Variants in ZCCHC7 observed in about 807,000 individuals in gnomAD.
The protein encoded by ZCCHC7 is zinc finger CCHC-type containing 7.
A neutral mutation model predicts 52.0 loss-of-function variants in ZCCHC7; 35 were observed. The observed-to-expected ratio is 0.67, with a 90% CI of 0.51 to 0.89. The LOEUF (loss-of-function observed/expected upper bound fraction) is 0.89, where lower values mean the gene tolerates loss of function less well. Ranked by LOEUF, ZCCHC7 falls within the 40% of genes least tolerant of loss-of-function variation. ZCCHC7 has a pLI of 0.00. For missense variants in ZCCHC7, 574 were observed against 649.1 expected (o/e 0.88, Z 1.26); for synonymous variants, 217 against 221.5 (o/e 0.98, Z 0.18).
chr9:37,258,529 G>A (rs556870914), intron 2 of ZCCHC7, among the ~76,000 whole-genome samples: 2 of 152,156 alleles, frequency 1.3e-5, no homozygotes, highest in African/African-American at 4.8e-5. Flanking sequence ...GGCTGAGGCG[G>A]GCAGATTACT....
intron 6 of ZCCHC7, among the ~76,000 whole-genome samples, chr9:37,340,932 C>T (rs1820596912): frequency 6.6e-6 from 1 of 152,098 alleles, no homozygotes; most frequent in Non-Finnish European, 1.5e-5. Context: ...AATTTCATAG[C>T]ACAATATACT....
At chr9:37,240,387 T>A (rs767012527) in intron 2 of ZCCHC7, among the ~76,000 whole-genome samples, 6 of 151,878 alleles carry the variant, frequency 4.0e-5, no homozygotes, top group Non-Finnish European at 5.9e-5. Context: ...TGTATAGAGG[T>A]TAATAAAAGA....
chr9:37,156,408 G>C (rs1427783778), intron 2 of ZCCHC7, among the ~76,000 whole-genome samples: 1 of 152,102 alleles, frequency 6.6e-6, no homozygotes, highest in Non-Finnish European at 1.5e-5. Flanking sequence ...GTTCCCAAAG[G>C]GAGAGATCAT....
At chr9:37,272,491 TAAAAAAAA>T (rs551495038) in intron 2 of ZCCHC7, among the ~76,000 whole-genome samples, 2 of 97,828 alleles carry the variant, frequency 2.0e-5, no homozygotes, top group Non-Finnish European at 4.2e-5. Context: ...AGCTGTGTGG[TAAAAAAAA>T]AAAAAAAAAA....
chr9:37,252,164 A>G (rs1271836793), intron 2 of ZCCHC7, among the ~76,000 whole-genome samples: 1 of 152,164 alleles, frequency 6.6e-6, no homozygotes, highest in Admixed American at 6.5e-5. Flanking sequence ...AAACAGCTCT[A>G]AGTTGATTTT....
chr9:37,235,901 T>A (rs1825629028), intron 2 of ZCCHC7, among the ~76,000 whole-genome samples: 1 of 152,048 alleles, frequency 6.6e-6, no homozygotes, highest in African/African-American at 2.4e-5. Flanking sequence ...ATTCTTTTTT[T>A]AATGGCTGAA....
At chr9:37,355,969 G>C (rs1253140890) in intron 8 of ZCCHC7, among the ~76,000 whole-genome samples, 1 of 151,292 alleles carries the variant, frequency 6.6e-6, no homozygotes, top group Non-Finnish European at 1.5e-5. Context: ...GTACTTTTCT[G>C]TTTTTTCCAG....
intron 2 of ZCCHC7, among the ~76,000 whole-genome samples, chr9:37,155,402 G>C (rs150820660): frequency 3.3e-5 from 5 of 151,564 alleles, no homozygotes; most frequent in Non-Finnish European, 7.4e-5. Context: ...AATTCACTTA[G>C]TAATAACCAA....
intron 6 of ZCCHC7, among the ~76,000 whole-genome samples, chr9:37,336,070 G>T (rs527462270): frequency 7.9e-5 from 12 of 152,170 alleles, no homozygotes; most frequent in African/African-American, 2.9e-4. Flanking sequence ...AGGGGTAGAG[G>T]GCTTATGTTA....
At chr9:37,206,857 C>T (rs985889021) in intron 2 of ZCCHC7, among the ~76,000 whole-genome samples, 1 of 151,990 alleles carries the variant, frequency 6.6e-6, no homozygotes, top group African/African-American at 2.4e-5. Context: ...GATCACTATT[C>T]TGCCATGTCT....
intron 2 of ZCCHC7, among the ~76,000 whole-genome samples, chr9:37,290,454 A>C (rs1354318468): frequency 6.6e-6 from 1 of 152,134 alleles, no homozygotes; most frequent in Non-Finnish European, 1.5e-5. Flanking sequence ...CCAGGAGTTC[A>C]AGACCAGCCT....
At chr9:37,133,212 C>T (rs1415707348) in intron 2 of ZCCHC7, among the ~76,000 whole-genome samples, 1 of 152,134 alleles carries the variant, frequency 6.6e-6, no homozygotes, top group African/African-American at 2.4e-5. Flanking sequence ...CATTCAAAAG[C>T]CTTCATGGCT....
chr9:37,335,698 C>T (rs1379710257), intron 6 of ZCCHC7, among the ~76,000 whole-genome samples: 2 of 152,150 alleles, frequency 1.3e-5, no homozygotes, highest in East Asian at 3.9e-4. Flanking sequence ...TTTACTCTGT[C>T]TCCTAACAAT....
intron 2 of ZCCHC7, among the ~76,000 whole-genome samples, chr9:37,203,069 A>G (rs564162813): frequency 6.6e-6 from 1 of 152,334 alleles, no homozygotes; most frequent in African/African-American, 2.4e-5. Context: ...GGCAACTAGG[A>G]AGTGCAGGGT....
At chr9:37,283,090 C>T (rs570139572) in intron 2 of ZCCHC7, among the ~76,000 whole-genome samples, 8 of 151,634 alleles carry the variant, frequency 5.3e-5, no homozygotes, top group African/African-American at 1.9e-4. Context: ...TTTTTATACC[C>T]GTGTGTGCTC....
chr9:37,146,410 A>G (rs547726279), intron 2 of ZCCHC7, among the ~76,000 whole-genome samples: 1 of 152,032 alleles, frequency 6.6e-6, no homozygotes, highest in South Asian at 2.1e-4. Flanking sequence ...TTTTTCTTTC[A>G]TTATAATTTG....
chr9:37,312,704 C>T (rs1829651288), intron 5 of ZCCHC7, among the ~76,000 whole-genome samples: 1 of 152,186 alleles, frequency 6.6e-6, no homozygotes, highest in East Asian at 1.9e-4. Flanking sequence ...TGGAGGACTG[C>T]CTGAGGCCAG....
intron 2 of ZCCHC7, among the ~76,000 whole-genome samples, chr9:37,198,830 T>A (rs1027252486): frequency 6.6e-6 from 1 of 152,154 alleles, no homozygotes; most frequent in Admixed American, 6.5e-5. Context: ...ATAGGATAGG[T>A]GGTAGAGTGA....
intron 2 of ZCCHC7, among the ~76,000 whole-genome samples, chr9:37,301,090 G>A (rs961785131): frequency 2.0e-5 from 3 of 151,964 alleles, no homozygotes; most frequent in African/African-American, 7.3e-5. Context: ...TTTTTTTATT[G>A]TTATAATGAA....
Sources: gnomAD v4.1 joint callset for allele counts (sites outside exome capture counted in the v4.1 genomes callset) on GRCh38, gnomAD v4.1.1 for gene constraint, MANE v1.5 for transcripts, NCBI Gene and HGNC (gene_info 2026-07-23, HGNC 2026-07-21) for gene names.